NINJ2: variants seen among roughly 807,000 people sequenced by gnomAD.
NINJ2 encodes ninjurin-2.
In NINJ2, 12 loss-of-function variants were observed where a neutral mutation model predicts 11.7. The ratio of observed to expected loss-of-function variants is 1.02; its 90% confidence interval spans 0.66 to 1.66. The LOEUF is 1.66. Among genes scored for constraint, NINJ2 ranks in the 40% most tolerant of loss-of-function variants. The probability of loss-of-function intolerance (pLI) is 0.00; values close to 1 mark genes in which losing one functional copy is unlikely to be tolerated. For synonymous variants in NINJ2, 93 were observed against 76.8 expected, an observed-to-expected ratio of 1.21 and a Z score of -1.10; for missense variants, 187 against 181.8, an observed-to-expected ratio of 1.03 and a Z score of -0.16.
intron 1 of NINJ2, among the ~76,000 whole-genome samples, chr12:576,088 G>C (rs968704809): frequency 6.6e-6 from 1 of 152,134 alleles, no homozygotes; most frequent in Non-Finnish European, 1.5e-5. Flanking sequence ...GTCGGGGTGG[G>C]GTTTCTTTTG....
intron 1 of NINJ2, among the ~76,000 whole-genome samples, chr12:653,605 A>G (rs555761357): frequency 3.3e-5 from 5 of 152,116 alleles, no homozygotes; most frequent in African/African-American, 1.2e-4. Flanking sequence ...GGCAATAACT[A>G]AAAAAAGTTA....
At chr12:643,417 C>A in intron 1 of NINJ2, 2 of 987,536 alleles carry the variant, frequency 2.0e-6, no homozygotes, top group Non-Finnish European at 2.4e-6. Context: ...CTCGGGCCTA[C>A]ATCCGCTCCG....
At position 633,589 on chromosome 12, in the gene NINJ2, G is replaced by A. The variant is rs1395511758; in HGVS notation, c.33+29739C>T. On this transcript the variant is annotated intron_variant, in intron 1 of 3. Coordinates refer to ENST00000305108, the MANE Select transcript of NINJ2 (RefSeq NM_016533.6). This position sits in a 1 kb window ranked among gnomAD's most constrained non-coding sequence, Gnocchi z 4.3. ...CCAGCACTTTGGGAGGCTGAGGCAG[G>A]CAGATCACTTGAGGCCAGGAGTTCA... is the stretch of plus-strand genomic sequence containing the variant. Among the ~76,000 whole-genome samples, 1 of 152,172 alleles carries A rather than the reference G, an allele frequency of 6.6e-6. No homozygotes were observed. Among genetic ancestry groups the A allele is most frequent in the Non-Finnish European group, 1.5e-5 (1 of 68,036 alleles).
chr12:634,365 T>A (rs1047467920), intron 1 of NINJ2, among the ~76,000 whole-genome samples: 3 of 145,076 alleles, frequency 2.1e-5, no homozygotes, highest in Non-Finnish European at 4.5e-5. Flanking sequence ...GTTCACACGA[T>A]TCTCCTGCCT....
At chr12:620,428 T>C (rs138392549) in intron 1 of NINJ2, among the ~76,000 whole-genome samples, 122 of 152,350 alleles carry the variant, frequency 8.0e-4, no homozygotes, top group African/African-American at 2.8e-3. Flanking sequence ...AGAGAACAAA[T>C]AGATGATGCG....
In NINJ2 at chr12:609,144, A is replaced by G. The variant is rs866605116; in HGVS notation, c.34-42966T>C. ...GTGCTGAACGCGCACGCACGGCGCC[A>G]CGCTAGGGGCTGTACGCGCACGCAC... is the stretch of plus-strand genomic sequence containing the variant. On this transcript the variant is annotated intron_variant, in intron 1 of 3. Coordinates refer to ENST00000305108, the MANE Select transcript of NINJ2 (RefSeq NM_016533.6). 2.2e-3 allele frequency among the ~76,000 whole-genome samples: 131 copies of G among 59,068 alleles called. 7 individuals are homozygous for G. In the Middle Eastern group the frequency reaches 0.028, roughly 13 times the overall value. 38.8% of individuals were successfully genotyped at this position (59,068 alleles called of 152,430 possible). A position where few individuals can be genotyped will look rare whatever the true frequency, so the allele number is the denominator to read the frequency against.
At chr12:662,409 C>CGAGAGAGA (rs111778018) in intron 1 of NINJ2, among the ~76,000 whole-genome samples, 38 of 147,506 alleles carry the variant, frequency 2.6e-4, no homozygotes, top group East Asian at 9.9e-4. Context: ...ACACAGAGAA[C>CGAGAGAGA]GAGAGAGAGA....
chr12:656,514 G>GC (rs1937874940), intron 1 of NINJ2, among the ~76,000 whole-genome samples: 1 of 151,832 alleles, frequency 6.6e-6, no homozygotes, highest in African/African-American at 2.4e-5. Context: ...ACTTTGGGAG[G>GC]TAGGGTCTGG....
chr12:565,885 G>T, intron 2 of NINJ2, 65 bp downstream of exon 2: 2 of 1,413,564 alleles, frequency 1.4e-6, no homozygotes, highest in Non-Finnish European at 2.0e-6. Flanking sequence ...CAGGGGACAC[G>T]TGGGGCCTTT....
chr12:603,489 C>A (rs1215355014), intron 1 of NINJ2, among the ~76,000 whole-genome samples: 1 of 152,172 alleles, frequency 6.6e-6, no homozygotes, highest in Non-Finnish European at 1.5e-5. Flanking sequence ...GGCTTTCCTG[C>A]ATGACGGTTT....
chr12:646,569 G>A (rs1443475017), intron 1 of NINJ2, among the ~76,000 whole-genome samples: 1 of 152,086 alleles, frequency 6.6e-6, no homozygotes, highest in Non-Finnish European at 1.5e-5. Context: ...ACAGAGGAAG[G>A]GTGCGGCATT....
chr12:606,659 C>T (rs1263975182), intron 1 of NINJ2, among the ~76,000 whole-genome samples: 3 of 152,184 alleles, frequency 2.0e-5, no homozygotes, highest in African/African-American at 2.4e-5. Flanking sequence ...ACAGCAGCCA[C>T]ACTAGAAGCT....
rs536829310 is a variant in NINJ2, at chr12:577,416, C to CATATATAT, written c.34-11246_34-11239dup. Among the ~76,000 whole-genome samples the CATATATAT allele has an allele frequency of 1.3e-3, 159 of 121,262 alleles. 3 individuals are homozygous for CATATATAT. The highest frequency in any genetic ancestry group is 8.5e-3 in the Middle Eastern group (2 of 236). 79.6% of individuals were successfully genotyped at this position (121,262 alleles called of 152,430 possible). A position where few individuals can be genotyped will look rare whatever the true frequency, so the allele number is the denominator to read the frequency against. ...ATAAGTTGAGAAGCAACACTAGTCT[C>CATATATAT]ATATATATATATACATATATATATA... On this transcript the variant is annotated intron_variant, in intron 1 of 3. Coordinates refer to ENST00000305108, the MANE Select transcript of NINJ2 (RefSeq NM_016533.6).
At chr12:643,039 C>T (rs568031297) in intron 1 of NINJ2, 3 of 152,872 alleles carry the variant, frequency 2.0e-5, no homozygotes, top group East Asian at 1.9e-4. Context: ...TCCTGCCATT[C>T]CCCCGAGTCG....
At chr12:582,487 GCA>G (rs1947570120) in intron 1 of NINJ2, among the ~76,000 whole-genome samples, 1 of 75,056 alleles carries the variant, frequency 1.3e-5, no homozygotes, top group African/African-American at 5.8e-5. Context: ...GAATGAATGG[GCA>G]CAGGCAGGCA....
chr12:570,200 G>A (rs2535414), intron 1 of NINJ2, among the ~76,000 whole-genome samples: 2 of 151,546 alleles, frequency 1.3e-5, no homozygotes, highest in Non-Finnish European at 2.9e-5. Flanking sequence ...ACAACCTGCA[G>A]CCGAGGGGAC....
At chr12:567,203 C>A (rs1328170766) in intron 1 of NINJ2, among the ~76,000 whole-genome samples, 2 of 152,026 alleles carry the variant, frequency 1.3e-5, no homozygotes, top group Non-Finnish European at 2.9e-5. Context: ...AGCAGATCAC[C>A]ATGACAGGAC....
At chr12:623,956 A>T (rs953791717) in intron 1 of NINJ2, among the ~76,000 whole-genome samples, 2 of 152,182 alleles carry the variant, frequency 1.3e-5, no homozygotes, top group African/African-American at 4.8e-5. Flanking sequence ...GGATCGCTTG[A>T]GCTCAGGAGG....
chr12:601,556 A>AT (rs1422012261), intron 1 of NINJ2, among the ~76,000 whole-genome samples: 1 of 149,940 alleles, frequency 6.7e-6, no homozygotes, highest in Non-Finnish European at 1.5e-5. Flanking sequence ...CTCAAAAAAA[A>AT]AAAAAAATAA....
Sources: allele counts gnomAD v4.1 joint callset (sites outside exome capture counted in the v4.1 genomes callset), GRCh38; gene constraint gnomAD v4.1.1; non-coding constraint Gnocchi (gnomAD v3.1); transcripts MANE v1.5; gene names NCBI Gene and HGNC (gene_info 2026-07-23, HGNC 2026-07-21).